The following PRKN variants were observed in gnomAD, a reference collection of about 807,000 sequenced individuals.
PRKN encodes the protein parkin RBR E3 ubiquitin protein ligase, also known as E3 ubiquitin-protein ligase parkin.
A neutral mutation model predicts 59.5 loss-of-function variants in PRKN; 56 were observed. That is an observed-to-expected ratio of 0.94 (90% CI 0.76 to 1.18). The LOEUF is 1.18. PRKN is among the 50% of genes most tolerant of loss of function. The pLI is 0.00. For synonymous variants in PRKN, 250 were observed against 222.1 expected (o/e 1.13, Z -1.12); for missense variants, 657 against 596.4 (o/e 1.10, Z -1.06).
At chr6:162,335,186 T>C (rs1452889232) in intron 2 of PRKN, among the ~76,000 whole-genome samples, 2 of 148,986 alleles carry the variant, frequency 1.3e-5, no homozygotes, top group Non-Finnish European at 3.0e-5. Context: ...GCTACTTTTT[T>C]TCTTTTTCTT....
chr6:161,878,206 G>A (rs571008678), intron 6 of PRKN, among the ~76,000 whole-genome samples: 5 of 152,270 alleles, frequency 3.3e-5, no homozygotes, highest in South Asian at 4.2e-4. Context: ...CAGTCGGCTC[G>A]ATGTCAAAAG....
chr6:162,097,416 C>T (rs867930779), intron 4 of PRKN, among the ~76,000 whole-genome samples: 8 of 152,208 alleles, frequency 5.3e-5, no homozygotes, highest in South Asian at 4.1e-4. Flanking sequence ...AATGGATGAC[C>T]GAAGGCTTAG....
chr6:162,542,640 G>A (rs186812168), intron 1 of PRKN, among the ~76,000 whole-genome samples: 2 of 152,232 alleles, frequency 1.3e-5, no homozygotes, highest in African/African-American at 4.8e-5. Flanking sequence ...TAATAGGCCT[G>A]AGCCCCCAAA....
intron 1 of PRKN, among the ~76,000 whole-genome samples, chr6:162,603,638 T>C (rs1019090346): frequency 9.2e-5 from 14 of 152,210 alleles, no homozygotes; most frequent in African/African-American, 3.4e-4. Context: ...CTAAATTTAC[T>C]GAAACGAATA....
At chr6:161,830,423 TTTC>T (rs1792446180) in intron 6 of PRKN, among the ~76,000 whole-genome samples, 1 of 152,042 alleles carries the variant, frequency 6.6e-6, no homozygotes, top group Admixed American at 6.5e-5. Context: ...AGCTAATTTT[TTTC>T]TGTTTTTAGT....
chr6:161,892,403 C>CA (rs1242115829), intron 6 of PRKN, among the ~76,000 whole-genome samples: 4,375 of 125,854 alleles, frequency 0.035, 190 homozygotes, highest in African/African-American at 0.1. Context: ...CCACCTCAAC[C>CA]AAAAAAAAAA....
chr6:161,523,888 C>T (rs1339361181), intron 9 of PRKN, among the ~76,000 whole-genome samples: 1 of 152,046 alleles, frequency 6.6e-6, no homozygotes, highest in African/African-American at 2.4e-5. Context: ...ACCCATCAAG[C>T]ATGGATAGCA....
At position 161,459,986 on chromosome 6, in the gene PRKN, C is replaced by A. The variant is rs1461325870; in HGVS notation, c.1084-73109G>T. On this transcript the variant is annotated intron_variant, in intron 9 of 11. Coordinates refer to ENST00000366898, the MANE Select transcript of PRKN (RefSeq NM_004562.3). This position sits in a 1 kb window ranked among gnomAD's most constrained non-coding sequence, Gnocchi z 4.8. ...TTTATCCATCAAATCACATATGCTT[C>A]TTTCCTTTAATTCAACTATCCATCC... Among the ~76,000 whole-genome samples the A allele has an allele frequency of 6.6e-6, 1 of 152,162 alleles. No homozygotes were observed. The highest frequency in any genetic ancestry group is 2.4e-5 in the African/African-American group (1 of 41,444).
At chr6:161,746,195 C>T (rs1788405845) in intron 7 of PRKN, among the ~76,000 whole-genome samples, 2 of 152,164 alleles carry the variant, frequency 1.3e-5, no homozygotes, top group Non-Finnish European at 2.9e-5. Flanking sequence ...AAATACAAGT[C>T]TCTCTGTTGC....
chr6:162,201,198 C>G lies in PRKN; in HGVS notation c.467G>C (p.Arg156Thr), dbSNP rs1554283761. 6.2e-7 allele frequency: 1 copy of G among 1,614,076 alleles called. No individual in the cohort carries two copies. ...FYVYCKGPCQRVQPGKLRVQC... is the reference protein window; with the variant it reads ...FYVYCKGPCQTVQPGKLRVQC... ...TACCCTGAGTTTTCCCGGCTGCACTCTTTGACAGGGGCCTTTGCAATACAC... is the reference window on the plus strand; with the variant it reads ...TACCCTGAGTTTTCCCGGCTGCACTGTTTGACAGGGGCCTTTGCAATACAC... The change falls in exon 4 of 12, where the codon AGA (arginine) becomes ACA (threonine). Residue 156 changes from arginine to threonine, a missense_variant. Transcript: ENST00000366898.
intron 2 of PRKN, among the ~76,000 whole-genome samples, chr6:162,302,939 GGTGA>G (rs977874837): frequency 7.1e-6 from 1 of 140,154 alleles, no homozygotes; most frequent in Admixed American, 7.5e-5. Context: ...AGGGCCTATG[GGTGA>G]GTATTATATG....
At chr6:161,680,775 A>ATAT (rs1216235673) in intron 7 of PRKN, among the ~76,000 whole-genome samples, 20 of 30,612 alleles carry the variant, frequency 6.5e-4, no homozygotes, top group Non-Finnish European at 1.0e-3. Flanking sequence ...ATATATATAT[A>ATAT]TTTTTTTTTT....
In PRKN at chr6:162,339,425, C is replaced by T. The variant is rs1365159021; in HGVS notation, c.172-76660G>A. On this transcript the variant is annotated intron_variant, in intron 2 of 11. Coordinates refer to ENST00000366898, the MANE Select transcript of PRKN (RefSeq NM_004562.3). ...CCCCCGCCCGGCCAGCCGCCCCGTC[C>T]GGGAGGTGAGGGGCGCCTCTGCCCG... Among the ~76,000 whole-genome samples, 59 of 142,982 alleles carry T rather than the reference C, an allele frequency of 4.1e-4. 1 individual carries two copies. The highest frequency in any genetic ancestry group is 1.6e-3 in the South Asian group (7 of 4,356). The allele number at this position is 142,982 out of a possible 152,430, so 93.8% of individuals were successfully genotyped here. A position where few individuals can be genotyped will look rare whatever the true frequency, so the allele number is the denominator to read the frequency against.
At chr6:162,237,907 T>C (rs1052136273) in intron 3 of PRKN, among the ~76,000 whole-genome samples, 2 of 152,108 alleles carry the variant, frequency 1.3e-5, no homozygotes, top group African/African-American at 2.4e-5. Flanking sequence ...AGGATCTCCT[T>C]TGTCCCTGTA....
chr6:162,372,245 G>A (rs942040612), intron 2 of PRKN, among the ~76,000 whole-genome samples: 1 of 152,210 alleles, frequency 6.6e-6, no homozygotes, highest in African/African-American at 2.4e-5. Flanking sequence ...GGAAGTCAGT[G>A]CCAAGTGGCT....
chr6:162,522,860 A>G (rs1778131258), intron 1 of PRKN, among the ~76,000 whole-genome samples: 1 of 152,244 alleles, frequency 6.6e-6, no homozygotes, highest in Non-Finnish European at 1.5e-5. Flanking sequence ...CAACAAAAAG[A>G]AGGCATTTCA....
At chr6:161,813,052 C>T (rs1488754564) in intron 6 of PRKN, among the ~76,000 whole-genome samples, 5 of 152,164 alleles carry the variant, frequency 3.3e-5, no homozygotes, top group Non-Finnish European at 7.3e-5. Context: ...CAAAGTGAGG[C>T]TTGTTTATTC....
Position 162,043,068 on chromosome 6 carries a change from C to T in PRKN, c.618+11023G>A, listed in dbSNP as rs144039087. Among the ~76,000 whole-genome samples the T allele has an allele frequency of 3.3e-3, 500 of 152,222 alleles. 2 individuals are homozygous for T. The highest frequency in any genetic ancestry group is 0.012 in the African/African-American group (478 of 41,532). ...GAGGTGAAAAGCACTTCTTACATGGCAGTGGCAAGAGAAAAATGAGGAAGA... is the reference window on the plus strand; with the variant it reads ...GAGGTGAAAAGCACTTCTTACATGGTAGTGGCAAGAGAAAAATGAGGAAGA... On this transcript the variant is annotated intron_variant, in intron 5 of 11. Coordinates refer to ENST00000366898, the MANE Select transcript of PRKN (RefSeq NM_004562.3).
chr6:162,115,561 A>G (rs1780635771), intron 4 of PRKN, among the ~76,000 whole-genome samples: 2 of 151,960 alleles, frequency 1.3e-5, no homozygotes, highest in African/African-American at 4.8e-5. Flanking sequence ...AAAGAAAAAA[A>G]AAAAAAGTCA....
Sources: allele counts gnomAD v4.1 joint callset (sites outside exome capture counted in the v4.1 genomes callset), GRCh38; gene constraint gnomAD v4.1.1; non-coding constraint Gnocchi (gnomAD v3.1); transcripts MANE v1.5; gene names NCBI Gene and HGNC (gene_info 2026-07-23, HGNC 2026-07-21).